The following RALYL variants were observed in gnomAD, a reference collection of about 807,000 sequenced individuals.
RALYL encodes the protein RALY RNA binding protein like.
RALYL carries 29 observed loss-of-function variants against 35.1 expected under a neutral mutation model. The observed-to-expected ratio is 0.83, with a 90% CI of 0.61 to 1.13. The LOEUF (loss-of-function observed/expected upper bound fraction) is 1.13. Ranked by LOEUF, RALYL falls within the 50% of genes most tolerant of loss-of-function variation. The probability of loss-of-function intolerance (pLI) is 0.00; values close to 1 mark genes in which losing one functional copy is unlikely to be tolerated. For synonymous variants in RALYL, 120 were observed against 127.6 expected (o/e 0.94, Z 0.40); for missense variants, 359 against 360.4 (o/e 1.00, Z 0.03).
chr8:84,390,493 G>A (rs1586799109), intron 1 of RALYL, among the ~76,000 whole-genome samples: 1 of 152,026 alleles, frequency 6.6e-6, no homozygotes, highest in South Asian at 2.1e-4. Context: ...TTGTTGGTAA[G>A]GTATTGATTA....
intron 2 of RALYL, among the ~76,000 whole-genome samples, chr8:84,769,853 A>C (rs1051668701): frequency 1.3e-5 from 2 of 152,086 alleles, no homozygotes; most frequent in Non-Finnish European, 2.9e-5. Flanking sequence ...TATAAATTAC[A>C]TACAGAATAA....
chr8:84,372,886 G>GTTTTTTTTTTTTTTTTTTGTTT (rs1856087131), intron 1 of RALYL, among the ~76,000 whole-genome samples: 4 of 39,060 alleles, frequency 1.0e-4, no homozygotes, highest in Non-Finnish European at 9.1e-5. Context: ...GCCAGCATCT[G>GTTTTTTTTTTTTTTTTTTGTTT]TTTTTTTTTT....
At chr8:84,613,515 C>T (rs1269839437) in intron 2 of RALYL, among the ~76,000 whole-genome samples, 2 of 151,340 alleles carry the variant, frequency 1.3e-5, no homozygotes, top group Non-Finnish European at 1.5e-5. Context: ...CTCTTAGCAA[C>T]CTTAGGAAGG....
At position 84,348,791 on chromosome 8, in the gene RALYL, A is replaced by ATG. The variant is rs561947200; in HGVS notation, c.-24+164369_-24+164370dup. 3.4e-4 allele frequency among the ~76,000 whole-genome samples: 46 copies of ATG among 137,038 alleles called. 2 individuals are homozygous for ATG. Among genetic ancestry groups the ATG allele is most frequent in the African/African-American group, 1.3e-3 (46 of 34,298 alleles). 89.9% of individuals were successfully genotyped at this position (137,038 alleles called of 152,430 possible). A position where few individuals can be genotyped will look rare whatever the true frequency, so the allele number is the denominator to read the frequency against. On this transcript the variant is annotated intron_variant, in intron 1 of 8. Transcript: ENST00000521268. ...TTGTGAGGGAAAAGGATTATGGTGT[A>ATG]TGTATGTTCGGGTGGTGTATGTGTG... is the stretch of plus-strand genomic sequence containing the variant.
intron 2 of RALYL, among the ~76,000 whole-genome samples, chr8:84,628,342 C>T (rs1475030966): frequency 6.6e-6 from 1 of 152,084 alleles, no homozygotes; most frequent in African/African-American, 2.4e-5. Context: ...TCAAAAAGGC[C>T]TTCCTCACTC....
intron 1 of RALYL, among the ~76,000 whole-genome samples, chr8:84,208,170 A>G (rs1818532425): frequency 6.6e-6 from 1 of 152,150 alleles, no homozygotes; most frequent in Non-Finnish European, 1.5e-5. Context: ...GATCGGCTAT[A>G]TGAAGCTCTT....
At chr8:84,860,372 T>C (rs1010348909) in intron 5 of RALYL, among the ~76,000 whole-genome samples, 1 of 152,224 alleles carries the variant, frequency 6.6e-6, no homozygotes, top group African/African-American at 2.4e-5. Context: ...CAGCAACTTC[T>C]ACTCTAGAAG....
chr8:84,598,906 G>A (rs1454793458), intron 2 of RALYL, among the ~76,000 whole-genome samples: 3 of 151,938 alleles, frequency 2.0e-5, no homozygotes, highest in African/African-American at 7.3e-5. Flanking sequence ...TTCAATAGTG[G>A]TTCTCTCTCC....
chr8:84,898,170 G>A (rs929869762), intron 8 of RALYL, among the ~76,000 whole-genome samples: 6 of 152,152 alleles, frequency 3.9e-5, no homozygotes, highest in African/African-American at 1.4e-4. Context: ...CATATCATGT[G>A]GAGTATTTGT....
At chr8:84,603,931 TG>T (rs1432418780) in intron 2 of RALYL, among the ~76,000 whole-genome samples, 138 of 152,100 alleles carry the variant, frequency 9.1e-4, no homozygotes, top group African/African-American at 3.1e-3. Context: ...AGGTTTTTTT[TG>T]TTTGTTTGTT....
intron 4 of RALYL, among the ~76,000 whole-genome samples, chr8:84,839,168 G>A (rs1832658776): frequency 6.6e-6 from 1 of 152,208 alleles, no homozygotes. Context: ...AGCAGGGCGA[G>A]GCATCACCTC....
intron 1 of RALYL, among the ~76,000 whole-genome samples, chr8:84,197,061 A>T (rs1218871091): frequency 1.3e-5 from 2 of 152,206 alleles, no homozygotes; most frequent in African/African-American, 2.4e-5. Flanking sequence ...TTTAATGAGA[A>T]CTATCCATGG....
At chr8:84,369,849 A>C (rs1855323291) in intron 1 of RALYL, among the ~76,000 whole-genome samples, 1 of 152,150 alleles carries the variant, frequency 6.6e-6, no homozygotes, top group African/African-American at 2.4e-5. Context: ...TTCTTCCCAA[A>C]GAAAACTATT....
intron 2 of RALYL, among the ~76,000 whole-genome samples, chr8:84,652,629 G>A (rs1292165040): frequency 6.6e-6 from 1 of 151,940 alleles, no homozygotes; most frequent in African/African-American, 2.4e-5. Flanking sequence ...CAGTGAGTTA[G>A]GTTTTATAAC....
At position 84,478,332 on chromosome 8, in the gene RALYL, G is replaced by A. The variant is rs1017132127; in HGVS notation, c.-23-50967G>A. ...GAGTGAGAATTTGTCGCGAAATGGA[G>A]GAAAGACAAAGATGAATAAATTAAA... On this transcript the variant is annotated intron_variant, in intron 1 of 8. Transcript: ENST00000521268. Among the ~76,000 whole-genome samples, 3 of 152,080 alleles carry A rather than the reference G, an allele frequency of 2.0e-5. No homozygotes were observed. The East Asian group carries it at 5.8e-4, about 29-fold the overall frequency.
At chr8:84,328,004 G>T (rs1431763333) in intron 1 of RALYL, among the ~76,000 whole-genome samples, 1 of 152,172 alleles carries the variant, frequency 6.6e-6, no homozygotes, top group African/African-American at 2.4e-5. Context: ...GGGAAAGGAG[G>T]ACCACACTTT....
chr8:84,193,028 T>C (rs1814368519), intron 1 of RALYL, among the ~76,000 whole-genome samples: 1 of 152,134 alleles, frequency 6.6e-6, no homozygotes, highest in African/African-American at 2.4e-5. Flanking sequence ...ATTTGAATTT[T>C]TTTTCGTAAG....
At chr8:84,444,828 A>G (rs1401620629) in intron 1 of RALYL, among the ~76,000 whole-genome samples, 3 of 152,096 alleles carry the variant, frequency 2.0e-5, no homozygotes, top group African/African-American at 7.2e-5. Flanking sequence ...TTGTTTTGGC[A>G]CCTTGAATTT....
At chr8:84,403,558 C>T (rs906321875) in intron 1 of RALYL, among the ~76,000 whole-genome samples, 1 of 89,220 alleles carries the variant, frequency 1.1e-5, no homozygotes. Flanking sequence ...TTTTTTTAAC[C>T]AGTACCATGC....
Sources: gnomAD v4.1 joint callset for allele counts (sites outside exome capture counted in the v4.1 genomes callset) on GRCh38, gnomAD v4.1.1 for gene constraint, MANE v1.5 for transcripts, NCBI Gene and HGNC (gene_info 2026-07-23, HGNC 2026-07-21) for gene names.